DDX43: variants seen among roughly 807,000 people sequenced by gnomAD.
DDX43 encodes probable ATP-dependent RNA helicase DDX43.
Under a neutral mutation model 84.9 loss-of-function variants are expected in DDX43, and 50 were observed. The ratio of observed to expected loss-of-function variants is 0.59; its 90% CI spans 0.47 to 0.75. The LOEUF is 0.75. DDX43 is among the 30% of genes least tolerant of loss of function. DDX43 has a pLI of 0.00. For missense variants in DDX43, 689 were observed against 798.6 expected (o/e 0.86, Z 1.65); for synonymous variants, 291 against 266.3 (o/e 1.09, Z -0.90).
chr6:73,414,837 C>A, intron 14 of DDX43, 151 bp downstream of exon 14: 1 of 718,482 alleles, frequency 1.4e-6, no homozygotes, highest in East Asian at 2.8e-5. Flanking sequence ...TATCCCTGTT[C>A]ATTTGGCTTG....
chr6:73,404,316 C>T (rs1466892471), intron 4 of DDX43, among the ~76,000 whole-genome samples: 1 of 152,172 alleles, frequency 6.6e-6, no homozygotes, highest in Non-Finnish European at 1.5e-5. Context: ...TCGTCTCAAA[C>T]TCCTGACCTC....
Position 73,408,215 on chromosome 6 carries a change from A to G in DDX43, c.1179+114A>G, listed in dbSNP as rs954714276. 1.1e-5 allele frequency: 12 copies of G among 1,049,780 alleles called. No individual in the cohort carries two copies. In the Admixed American group the frequency reaches 2.0e-4, roughly 18 times the overall value. 65.0% of individuals were successfully genotyped at this position (1,049,780 alleles called of 1,614,324 possible). ...TTTGGGAGGCCGAGGCAGGTGGATC[A>G]CCTAAGGTCAGGAGTTCGAGACCAA... On this transcript the variant is annotated intron_variant, in intron 9 of 16. Coordinates refer to ENST00000370336, the MANE Select transcript of DDX43 (RefSeq NM_018665.3).
At chr6:73,404,466 A>G (rs1281464488) in intron 4 of DDX43, among the ~76,000 whole-genome samples, 2 of 152,168 alleles carry the variant, frequency 1.3e-5, no homozygotes, top group African/African-American at 4.8e-5. Flanking sequence ...TGATCCTCCC[A>G]TGCCAGCCTC....
intron 4 of DDX43, 42 bp from the exon 5 acceptor site, chr6:73,404,648 C>T: frequency 2.2e-6 from 3 of 1,392,426 alleles, no homozygotes; most frequent in Non-Finnish European, 3.0e-6. Context: ...ATTCATGATG[C>T]TGTAAAATTT....
At chr6:73,405,954 A>G (rs1012401404) in intron 6 of DDX43, 119 bp downstream of exon 6, 2 of 917,032 alleles carry the variant, frequency 2.2e-6, no homozygotes, top group Non-Finnish European at 3.1e-6. Context: ...CCTTCTCCCT[A>G]GAGTTCAAAA....
intron 2 of DDX43, among the ~76,000 whole-genome samples, chr6:73,398,624 G>A (rs915377956): frequency 3.3e-5 from 5 of 152,150 alleles, no homozygotes; most frequent in African/African-American, 1.2e-4. Context: ...AAAATCGTTA[G>A]AGATAATCTG....
intron 10 of DDX43, among the ~76,000 whole-genome samples, chr6:73,411,044 C>T (rs1338446984): frequency 9.9e-5 from 15 of 151,464 alleles, no homozygotes; most frequent in South Asian, 6.2e-4. Context: ...GGAGTGGTGG[C>T]GGGCGCCTAT....
intron 11 of DDX43, among the ~76,000 whole-genome samples, chr6:73,413,296 A>C (rs1437229104): frequency 6.6e-6 from 1 of 152,166 alleles, no homozygotes; most frequent in Admixed American, 6.6e-5. Flanking sequence ...ATTTCATTAG[A>C]GATTTACAAA....
chr6:73,404,715 TTATA>T lies in DDX43; in HGVS notation c.595_598del (p.Tyr199LysfsTer12). The T allele has an allele frequency of 6.2e-7, 1 of 1,612,410 alleles. No homozygotes were observed. On this transcript the variant is annotated frameshift_variant, in exon 5 of 17. Coordinates refer to ENST00000370336, the MANE Select transcript of DDX43 (RefSeq NM_018665.3). LOFTEE classifies it high-confidence loss of function. ...ATTTACCACCAATTAAGAAAAACTT[TTATA>T]AAGAGTCCACTGCCACAAGTGCCAT... is the stretch of plus-strand genomic sequence containing the variant.
chr6:73,409,415 AT>A (rs1263298112), intron 10 of DDX43, 67 bp downstream of exon 10: 1 of 1,266,444 alleles, frequency 7.9e-7, no homozygotes, highest in Non-Finnish European at 1.1e-6. Flanking sequence ...TTCTGTTTGG[AT>A]TTTCCCACAA....
rs1769438196 is a variant in DDX43, at chr6:73,395,101, G to A, written c.196G>A (p.Glu66Lys). 1 of 1,614,034 alleles carries A rather than the reference G, an allele frequency of 6.2e-7. No homozygotes were observed. The highest frequency in any genetic ancestry group is 1.3e-5 in the African/African-American group (1 of 74,948). ...CCCGGAGGCCGTGGCCGCTGGTCAC[G>A]AGGAACTGCCGCTGTGTTTTGCTTT... is the stretch of plus-strand genomic sequence containing the variant. ...RPPEAVAAGH[E>K]ELPLCFALKS... Residue 66 changes from glutamate to lysine, a missense_variant, in exon 1 of 17, where the codon GAG becomes AAG. This residue lies in a region of DDX43 where 137 missense variants were observed against 105.9 expected (regional missense o/e 1.29). Coordinates refer to ENST00000370336, the MANE Select transcript of DDX43 (RefSeq NM_018665.3).
Position 73,395,086 on chromosome 6 carries a change from G to C in DDX43, c.181G>C (p.Val61Leu), listed in dbSNP as rs545701161. ...WRGTSRPPEAVAAGHEELPLC... is the reference protein window; with the variant it reads ...WRGTSRPPEALAAGHEELPLC... ...AGGCACCTCTAGGCCCCCGGAGGCCGTGGCCGCTGGTCACGAGGAACTGCC... is the reference window on the plus strand; with the variant it reads ...AGGCACCTCTAGGCCCCCGGAGGCCCTGGCCGCTGGTCACGAGGAACTGCC... The change falls in exon 1 of 17, where the codon GTG becomes CTG. Residue 61 changes from valine (V) to leucine (L), a missense_variant. Coordinates refer to ENST00000370336, the MANE Select transcript of DDX43 (RefSeq NM_018665.3). 4 of 1,614,176 alleles carry C rather than the reference G, an allele frequency of 2.5e-6. No individual in the cohort carries two copies. The East Asian group carries it at 8.9e-5, about 36-fold the overall frequency.
intron 2 of DDX43, among the ~76,000 whole-genome samples, chr6:73,398,696 C>G (rs900914363): frequency 6.6e-6 from 1 of 152,090 alleles, no homozygotes; most frequent in African/African-American, 2.4e-5. Flanking sequence ...CAGAGAGAAC[C>G]CCTTTCCTCA....
intron 8 of DDX43, 59 bp downstream of exon 8, chr6:73,407,674 T>C (rs544996520): frequency 4.5e-5 from 54 of 1,196,580 alleles, no homozygotes; most frequent in Non-Finnish European, 6.3e-5. Flanking sequence ...TTTGTAGCTT[T>C]ACACATCTTC....
rs917683053 is a variant in DDX43 at position 73,395,026 on chromosome 6, G to C, written c.121G>C (p.Glu41Gln). ...GGAGGAGTTGAATCGAACAGGTCCT[G>C]AGGGATATAGTGTCGGCAGAGGTGG... Reference protein sequence around the residue: ...PAEELNRTGPEGYSVGRGGRW... With the variant: ...PAEELNRTGPQGYSVGRGGRW... Residue 41 changes from glutamate to glutamine, a missense_variant, in exon 1 of 17, where the codon GAG becomes CAG. By Grantham distance (29) the Glu-to-Gln change is conservative. Coordinates refer to ENST00000370336, the MANE Select transcript of DDX43 (RefSeq NM_018665.3). The C allele has an allele frequency of 6.2e-7, 1 of 1,614,268 alleles. No homozygotes were observed. Among genetic ancestry groups the C allele is most frequent in the Non-Finnish European group, 8.5e-7 (1 of 1,180,048 alleles).
chr6:73,402,844 G>A (rs978858307), intron 4 of DDX43, among the ~76,000 whole-genome samples: 1 of 152,180 alleles, frequency 6.6e-6, no homozygotes, highest in Non-Finnish European at 1.5e-5. Context: ...CTCCCAAAGT[G>A]CTGGGATTAC....
At position 73,413,482 on chromosome 6, in the gene DDX43, T is replaced by C. The variant is rs1582642085; in HGVS notation, c.1369-176T>C. 3.9e-5 allele frequency: 20 copies of C among 508,962 alleles called. 1 individual carries two copies. In the East Asian group the frequency reaches 6.7e-4, roughly 17 times the overall value. The allele number at this position is 508,962 out of a possible 1,614,324, so 31.5% of individuals were successfully genotyped here. On this transcript the variant is annotated intron_variant, in intron 11 of 16. Coordinates refer to ENST00000370336, the MANE Select transcript of DDX43 (RefSeq NM_018665.3). ...AATAGTATTTTGAGGTTAAGTGACA[T>C]CTAAGATACAAATCTTGAGTAGAAA... is the stretch of plus-strand genomic sequence containing the variant.
intron 7 of DDX43, among the ~76,000 whole-genome samples, chr6:73,407,284 A>AT (rs1480099386): frequency 2.6e-5 from 4 of 152,014 alleles, no homozygotes; most frequent in Admixed American, 2.6e-4. Flanking sequence ...TGTCTGGCTA[A>AT]TTTTTTGTAT....
At position 73,412,397 on chromosome 6, in the gene DDX43, C is replaced by G. The variant is rs143270337; in HGVS notation, c.1368+105C>G. The G allele has an allele frequency of 5.1e-6, 4 of 782,054 alleles. No individual in the cohort carries two copies. In the Admixed American group the frequency reaches 9.9e-5, roughly 19 times the overall value. 48.4% of individuals were successfully genotyped at this position (782,054 alleles called of 1,614,324 possible). A position where few individuals can be genotyped will look rare whatever the true frequency, so the allele number is the denominator to read the frequency against. On this transcript the variant is annotated intron_variant, in intron 11 of 16. Transcript: ENST00000370336. ...CCCACTCCCCAATTTTAGGGCAAAT[C>G]ACACTTGCATATAGTTTTAATAGAG...
Sources: allele counts gnomAD v4.1 joint callset (sites outside exome capture counted in the v4.1 genomes callset), GRCh38; gene constraint gnomAD v4.1.1; regional missense constraint gnomAD v4.1.1; transcripts MANE v1.5; gene names NCBI Gene and HGNC (gene_info 2026-07-23, HGNC 2026-07-21).